The following WDR72 variants were observed in gnomAD, a reference collection of about 807,000 sequenced individuals.
WDR72 encodes WD repeat-containing protein 72.
In WDR72, 120 loss-of-function variants were observed where a neutral mutation model predicts 124.2. That is an observed-to-expected ratio of 0.97 (90% CI 0.83 to 1.12). The LOEUF (loss-of-function observed/expected upper bound fraction) is 1.12, where lower values mean the gene tolerates loss of function less well. WDR72 is among the 50% of genes most tolerant of loss of function. The pLI, the probability that WDR72 is intolerant of heterozygous loss-of-function variation, is 0.00. For synonymous variants in WDR72, 452 were observed against 441.7 expected, an observed-to-expected ratio of 1.02 and a Z score of -0.29; for missense variants, 1,387 against 1,278.8, an observed-to-expected ratio of 1.08 and a Z score of -1.29.
intron 16 of WDR72, among the ~76,000 whole-genome samples, chr15:53,612,366 G>A (rs1004516082): frequency 6.6e-6 from 1 of 152,094 alleles, no homozygotes; most frequent in Non-Finnish European, 1.5e-5. Flanking sequence ...ATAGTGAAGA[G>A]GCTTATGGAG....
At chr15:53,603,690 A>G (rs1237288603) in intron 17 of WDR72, among the ~76,000 whole-genome samples, 2 of 151,956 alleles carry the variant, frequency 1.3e-5, no homozygotes, top group Admixed American at 1.3e-4. Flanking sequence ...TATAAACAAC[A>G]GTCAAGCTGA....
intron 18 of WDR72, among the ~76,000 whole-genome samples, chr15:53,583,004 ATT>A (rs2140320063): frequency 6.6e-6 from 1 of 152,070 alleles, no homozygotes; most frequent in African/African-American, 2.4e-5. Flanking sequence ...AAAATATATC[ATT>A]TTTTATAAAT....
chr15:53,724,309 C>A (rs921393603), intron 2 of WDR72, among the ~76,000 whole-genome samples: 4 of 152,070 alleles, frequency 2.6e-5, no homozygotes, highest in African/African-American at 7.2e-5. Flanking sequence ...GCCACACACA[C>A]AAAAAATGAT....
intron 2 of WDR72, among the ~76,000 whole-genome samples, chr15:53,732,396 A>G (rs562265559): frequency 6.6e-6 from 1 of 152,296 alleles, no homozygotes; most frequent in South Asian, 2.1e-4. Flanking sequence ...ATCTATTCTG[A>G]TACGTTAAAT....
At chr15:53,694,892 T>C (rs1020272303) in intron 13 of WDR72, among the ~76,000 whole-genome samples, 7 of 152,206 alleles carry the variant, frequency 4.6e-5, no homozygotes, top group Non-Finnish European at 7.3e-5. Flanking sequence ...CTGTAAACTA[T>C]AGATGCAGGC....
chr15:53,751,422 C>T (rs568003250), intron 1 of WDR72, among the ~76,000 whole-genome samples: 18 of 152,146 alleles, frequency 1.2e-4, no homozygotes, highest in Non-Finnish European at 2.1e-4. Flanking sequence ...TTGCAGAAGG[C>T]TCAGATGATC....
chr15:53,707,558 T>C (rs2017417405), intron 9 of WDR72, among the ~76,000 whole-genome samples: 1 of 152,060 alleles, frequency 6.6e-6, no homozygotes, highest in Admixed American at 6.6e-5. Context: ...ACCATTCTCC[T>C]GCCTCAGCCT....
At chr15:53,533,986 A>T (rs1304516047) in intron 18 of WDR72, among the ~76,000 whole-genome samples, 1 of 152,108 alleles carries the variant, frequency 6.6e-6, no homozygotes, top group Admixed American at 6.6e-5. Flanking sequence ...CCACTGGGGT[A>T]GGGAAGCAAG....
At chr15:53,758,566 T>G (rs1401069699) in intron 1 of WDR72, among the ~76,000 whole-genome samples, 2 of 151,982 alleles carry the variant, frequency 1.3e-5, no homozygotes, top group Non-Finnish European at 2.9e-5. Flanking sequence ...AAGACCAACT[T>G]AACCACAAGT....
chr15:53,586,226 G>A (rs902993889), intron 18 of WDR72, among the ~76,000 whole-genome samples: 2 of 151,954 alleles, frequency 1.3e-5, no homozygotes, highest in African/African-American at 4.8e-5. Flanking sequence ...TGCCTATTCT[G>A]GTCCAGAGAT....
intron 18 of WDR72, among the ~76,000 whole-genome samples, chr15:53,562,662 G>A (rs904982069): frequency 3.3e-5 from 5 of 151,738 alleles, no homozygotes; most frequent in African/African-American, 9.7e-5. Flanking sequence ...GAGGGATGAT[G>A]ATATATAAAT....
intron 18 of WDR72, among the ~76,000 whole-genome samples, chr15:53,594,814 A>G (rs1294826527): frequency 6.6e-6 from 1 of 151,042 alleles, no homozygotes; most frequent in Non-Finnish European, 1.5e-5. Flanking sequence ...AATCCTATCA[A>G]GTAAGGCACT....
chr15:53,543,274 C>T (rs1414134018), intron 18 of WDR72, among the ~76,000 whole-genome samples: 6 of 150,432 alleles, frequency 4.0e-5, no homozygotes, highest in African/African-American at 9.8e-5. Flanking sequence ...TGTAAAAGAA[C>T]AGAGATTATA....
At chr15:53,598,506 G>A (rs7172085) in intron 17 of WDR72, among the ~76,000 whole-genome samples, 20,902 of 151,966 alleles carry the variant, frequency 0.14, 2,211 homozygotes, top group African/African-American at 0.3. Context: ...TTTTGTATGT[G>A]ATGGTAGCAT....
intron 18 of WDR72, among the ~76,000 whole-genome samples, chr15:53,558,533 T>C (rs1894010633): frequency 6.6e-6 from 1 of 151,938 alleles, no homozygotes. Flanking sequence ...GGCTTAGGGG[T>C]GGAGTGAAGG....
chr15:53,702,743 C>T (rs191123153), intron 11 of WDR72, among the ~76,000 whole-genome samples: 134 of 152,122 alleles, frequency 8.8e-4, no homozygotes, highest in African/African-American at 3.0e-3. Context: ...TGTGGTAGCT[C>T]GCACCTATAG....
chr15:53,673,808 G>C lies in WDR72; in HGVS notation c.1766-8040C>G, dbSNP rs2016073901. ...AGTTCAAGACCAGCCTGACCAACAT[G>C]GCGAAACCCCGTCTCTACTAAAAAT... On this transcript the variant is annotated intron_variant, in intron 13 of 19. Transcript: ENST00000360509. Among the ~76,000 whole-genome samples the C allele has an allele frequency of 2.0e-5, 3 of 152,136 alleles. No homozygotes were observed. In the South Asian group the frequency reaches 6.2e-4, roughly 32 times the overall value.
At chr15:53,686,366 A>G (rs2140492401) in intron 13 of WDR72, among the ~76,000 whole-genome samples, 1 of 151,654 alleles carries the variant, frequency 6.6e-6, no homozygotes, top group South Asian at 2.1e-4. Flanking sequence ...ATGGAGGAAA[A>G]TCTACCAAGC....
At chr15:53,587,123 G>A (rs1488019049) in intron 18 of WDR72, among the ~76,000 whole-genome samples, 2 of 151,960 alleles carry the variant, frequency 1.3e-5, no homozygotes, top group African/African-American at 2.4e-5. Context: ...GCTTAGGAAC[G>A]CCTTTCACAG....
Sources: gnomAD v4.1 joint callset for allele counts (sites outside exome capture counted in the v4.1 genomes callset) on GRCh38, gnomAD v4.1.1 for gene constraint, MANE v1.5 for transcripts, NCBI Gene and HGNC (gene_info 2026-07-23, HGNC 2026-07-21) for gene names.